Variants in SLC9A9 observed in about 807,000 individuals in gnomAD.
SLC9A9 encodes the protein sodium/hydrogen exchanger 9.
Under a neutral mutation model 77.8 loss-of-function variants are expected in SLC9A9, and 62 were observed. That is an observed-to-expected ratio of 0.80 (90% CI 0.65 to 0.98). The LOEUF is 0.98. Among genes scored for constraint, SLC9A9 ranks in the 50% least tolerant of loss-of-function variants. The pLI, the probability that SLC9A9 is intolerant of heterozygous loss-of-function variation, is 0.00. For missense variants in SLC9A9, 775 were observed against 774.9 expected (o/e 1.00, Z 0.00); for synonymous variants, 320 against 283.5 (o/e 1.13, Z -1.29).
chr3:143,416,579 T>C (rs2034194583), intron 12 of SLC9A9, among the ~76,000 whole-genome samples: 1 of 152,184 alleles, frequency 6.6e-6, no homozygotes, highest in African/African-American at 2.4e-5. Context: ...TTTTAAGGTC[T>C]GGATATATAT....
At chr3:143,330,343 G>T (rs1199705852) in intron 14 of SLC9A9, among the ~76,000 whole-genome samples, 3 of 152,162 alleles carry the variant, frequency 2.0e-5, no homozygotes, top group East Asian at 3.8e-4. Context: ...CAACACTGGG[G>T]ACAGCTAGCT....
intron 5 of SLC9A9, among the ~76,000 whole-genome samples, chr3:143,688,325 G>A (rs1933346938): frequency 6.6e-6 from 1 of 152,002 alleles, no homozygotes; most frequent in Non-Finnish European, 1.5e-5. Context: ...ACCTGCCACG[G>A]AAGGAGCAGC....
chr3:143,305,197 T>A (rs1168457394), intron 14 of SLC9A9, among the ~76,000 whole-genome samples: 1 of 152,160 alleles, frequency 6.6e-6, no homozygotes, highest in Non-Finnish European at 1.5e-5. Flanking sequence ...AGGGCAACTT[T>A]TCGAGAAGCT....
chr3:143,293,445 A>G (rs2030109010), intron 14 of SLC9A9, among the ~76,000 whole-genome samples: 1 of 152,226 alleles, frequency 6.6e-6, no homozygotes. Context: ...AAATTTTTGG[A>G]AATGGCTGGG....
chr3:143,323,485 C>T (rs924886849), intron 14 of SLC9A9, among the ~76,000 whole-genome samples: 120 of 152,220 alleles, frequency 7.9e-4, no homozygotes, highest in African/African-American at 2.7e-3. Context: ...ACAGATACTG[C>T]TTGTTCTTAC....
At chr3:143,726,494 A>C (rs544926770) in intron 4 of SLC9A9, among the ~76,000 whole-genome samples, 38 of 152,232 alleles carry the variant, frequency 2.5e-4, no homozygotes, top group Non-Finnish European at 1.2e-4. Flanking sequence ...AGGTAAAAAA[A>C]GTAGGGAATA....
At chr3:143,683,010 A>G (rs766656573) in intron 5 of SLC9A9, among the ~76,000 whole-genome samples, 4 of 152,198 alleles carry the variant, frequency 2.6e-5, no homozygotes, top group Non-Finnish European at 5.9e-5. Context: ...AGGTATGGGC[A>G]TCTTTGGAGG....
At chr3:143,833,232 C>T (rs1353329336) in intron 1 of SLC9A9, among the ~76,000 whole-genome samples, 2 of 152,164 alleles carry the variant, frequency 1.3e-5, no homozygotes, top group Admixed American at 1.3e-4. Flanking sequence ...TTTTACCTCT[C>T]TTATGAATCT....
chr3:143,368,201 G>C (rs1328884575), intron 13 of SLC9A9, among the ~76,000 whole-genome samples: 2 of 152,126 alleles, frequency 1.3e-5, no homozygotes, highest in African/African-American at 4.8e-5. Context: ...AGCAGGCAGT[G>C]GATAGTTTTC....
chr3:143,325,904 T>C (rs1453784370), intron 14 of SLC9A9, among the ~76,000 whole-genome samples: 2 of 152,194 alleles, frequency 1.3e-5, no homozygotes, highest in South Asian at 2.1e-4. Context: ...ATGCCCTCAA[T>C]AAAGAGTTAG....
chr3:143,777,452 C>A (rs1479346730), intron 4 of SLC9A9, among the ~76,000 whole-genome samples: 1 of 152,118 alleles, frequency 6.6e-6, no homozygotes, highest in Non-Finnish European at 1.5e-5. Context: ...GATTAACTTG[C>A]ATAGAATTAA....
chr3:143,540,661 A>G, intron 9 of SLC9A9, among the ~76,000 whole-genome samples: 1 of 152,228 alleles, frequency 6.6e-6, no homozygotes, highest in East Asian at 1.9e-4. Flanking sequence ...TTTCTGTAAG[A>G]AAAGGTCTAT....
chr3:143,531,519 A>T (rs2036510493), intron 9 of SLC9A9, among the ~76,000 whole-genome samples: 1 of 152,230 alleles, frequency 6.6e-6, no homozygotes, highest in Admixed American at 6.5e-5. Flanking sequence ...ATGTATAGGA[A>T]GTTTGTCTTA....
At position 143,423,253 on chromosome 3, in the gene SLC9A9, A is replaced by G. The variant is rs541436725; in HGVS notation, c.1470-41139T>C. On this transcript the variant is annotated intron_variant, in intron 12 of 15. Transcript: ENST00000316549. The stretch of plus-strand genomic sequence containing the variant: ...CACGTGTACACACGCGCGTGTACAC[A>G]CACACACACACACACACACACACAC... Among the ~76,000 whole-genome samples the G allele has an allele frequency of 1.3e-3, 135 of 105,720 alleles. 2 individuals are homozygous for G. Among genetic ancestry groups the G allele is most frequent in the African/African-American group, 5.2e-3 (125 of 23,816 alleles). 69.4% of individuals were successfully genotyped at this position (105,720 alleles called of 152,430 possible).
At position 143,576,624 on chromosome 3, in the gene SLC9A9, G is replaced by A. The variant is rs2037363809; in HGVS notation, c.894+1961C>T. Among the ~76,000 whole-genome samples the A allele has an allele frequency of 2.6e-5, 4 of 152,222 alleles. No individual in the cohort carries two copies. In the South Asian group the frequency reaches 8.3e-4, roughly 32 times the overall value. On this transcript the variant is annotated intron_variant, in intron 7 of 15. Coordinates refer to ENST00000316549, the MANE Select transcript of SLC9A9 (RefSeq NM_173653.4). ...ACTAAGAATTAAGAGGCAATAGGGAGCAGTGAAGAGAGCATGTTCGGCCTC... is the reference window on the plus strand; with the variant it reads ...ACTAAGAATTAAGAGGCAATAGGGAACAGTGAAGAGAGCATGTTCGGCCTC...
chr3:143,492,291 CAA>C (rs1171323568), intron 11 of SLC9A9, among the ~76,000 whole-genome samples: 14 of 60,178 alleles, frequency 2.3e-4, no homozygotes, highest in African/African-American at 6.8e-4. Flanking sequence ...GACTCCGTCT[CAA>C]AAAAAAAAAA....
intron 9 of SLC9A9, chr3:143,503,375 A>G (rs1576540304): frequency 3.2e-6 from 1 of 316,726 alleles, no homozygotes. Context: ...ATTGAGAGCA[A>G]TGCCAGTCCC....
intron 11 of SLC9A9, among the ~76,000 whole-genome samples, chr3:143,470,694 A>G (rs2035363230): frequency 6.6e-6 from 1 of 152,186 alleles, no homozygotes; most frequent in Non-Finnish European, 1.5e-5. Context: ...ACGAGAAACT[A>G]GAATACAAAT....
At chr3:143,392,724 C>T (rs184987518) in intron 12 of SLC9A9, among the ~76,000 whole-genome samples, 19 of 152,238 alleles carry the variant, frequency 1.2e-4, no homozygotes, top group Admixed American at 3.3e-4. Flanking sequence ...TGCAGAGACA[C>T]GCACAGGCTC....
Sources: gnomAD v4.1 joint callset for allele counts (sites outside exome capture counted in the v4.1 genomes callset) on GRCh38, gnomAD v4.1.1 for gene constraint, MANE v1.5 for transcripts, NCBI Gene and HGNC (gene_info 2026-07-23, HGNC 2026-07-21) for gene names.